CRIM1: variants seen among roughly 807,000 people sequenced by gnomAD.
CRIM1 encodes cysteine rich transmembrane BMP regulator 1.
Under a neutral mutation model 116.4 loss-of-function variants are expected in CRIM1, and 32 were observed. The observed-to-expected ratio is 0.27, with a 90% CI of 0.21 to 0.37. The LOEUF (loss-of-function observed/expected upper bound fraction) is 0.37. CRIM1 is among the 10% of genes least tolerant of loss of function. The pLI, the probability that CRIM1 is intolerant of heterozygous loss-of-function variation, is 1.00. For synonymous variants in CRIM1, 590 were observed against 509.2 expected (o/e 1.16, Z -2.13); for missense variants, 1,331 against 1,354.8 (o/e 0.98, Z 0.28).
chr2:36,548,504 A>T (rs1474802815), intron 16 of CRIM1, 21 bp from the exon 17 acceptor site: 1 of 1,529,314 alleles, frequency 6.5e-7, no homozygotes, highest in South Asian at 1.3e-5. Flanking sequence ...TTGTGGTTTT[A>T]TTCCTCCTCT....
At chr2:36,445,393 G>T (rs1676160053) in intron 4 of CRIM1, among the ~76,000 whole-genome samples, 1 of 152,138 alleles carries the variant, frequency 6.6e-6, no homozygotes, top group Non-Finnish European at 1.5e-5. Context: ...TGCTCATCCA[G>T]CAGGACTCTA....
Position 36,394,352 on chromosome 2 carries a change from A to C in CRIM1, c.332-2262A>C, listed in dbSNP as rs555172198. On this transcript the variant is annotated intron_variant, in intron 1 of 16. Coordinates refer to ENST00000280527, the MANE Select transcript of CRIM1 (RefSeq NM_016441.3). ...AATTCCTTCATGGCAAATCTGACTG[A>C]ACTGTAGTAAAATGCTAGTACTACT... Among the ~76,000 whole-genome samples the C allele has an allele frequency of 3.3e-5, 5 of 152,326 alleles. No homozygotes were observed. The East Asian group carries it at 9.6e-4, about 29-fold the overall frequency.
At chr2:36,479,027 C>T (rs936650451) in intron 6 of CRIM1, among the ~76,000 whole-genome samples, 2 of 152,132 alleles carry the variant, frequency 1.3e-5, no homozygotes, top group South Asian at 2.1e-4. Flanking sequence ...CCCACATGGT[C>T]GTGCAGGTAC....
At chr2:36,464,307 A>G (rs1677821369) in intron 4 of CRIM1, among the ~76,000 whole-genome samples, 1 of 152,230 alleles carries the variant, frequency 6.6e-6, no homozygotes, top group Non-Finnish European at 1.5e-5. Context: ...CAAAATGGTT[A>G]AAGTTAAAAA....
At chr2:36,360,080 A>G (rs969663552) in intron 1 of CRIM1, among the ~76,000 whole-genome samples, 28 of 152,262 alleles carry the variant, frequency 1.8e-4, no homozygotes, top group African/African-American at 6.3e-4. Flanking sequence ...GAGATTTTCT[A>G]GAAAGAAGAT....
chr2:36,477,660 G>A (rs1159468923), intron 6 of CRIM1, among the ~76,000 whole-genome samples: 1 of 152,220 alleles, frequency 6.6e-6, no homozygotes, highest in African/African-American at 2.4e-5. Context: ...GTGACTCTCA[G>A]GAATCTGCTT....
chr2:36,503,064 C>T (rs1386947029), intron 8 of CRIM1, among the ~76,000 whole-genome samples: 1 of 152,214 alleles, frequency 6.6e-6, no homozygotes, highest in Non-Finnish European at 1.5e-5. Flanking sequence ...GCTGTCACCT[C>T]CCCCATTCGT....
intron 4 of CRIM1, among the ~76,000 whole-genome samples, chr2:36,456,661 C>T (rs1377663696): frequency 2.6e-5 from 4 of 152,142 alleles, no homozygotes; most frequent in South Asian, 2.1e-4. Flanking sequence ...TGTGTGATAT[C>T]GGATTGTTGA....
intron 13 of CRIM1, among the ~76,000 whole-genome samples, chr2:36,526,701 C>T (rs574341426): frequency 6.6e-6 from 1 of 152,302 alleles, no homozygotes; most frequent in South Asian, 2.1e-4. Context: ...CTGGCAGCTT[C>T]TGGAGGGGGG....
chr2:36,509,965 GTC>G lies in CRIM1; in HGVS notation c.1502-14_1502-13del. On this transcript the variant is annotated splice_polypyrimidine_tract_variant and intron_variant, in intron 8 of 16. Transcript: ENST00000280527. ...TGTTCATCTTTGGAAGAAACATGCC[GTC>G]TCTGTGTCTTCACAGCCGAGGAACT... 6.2e-7 allele frequency: 1 copy of G among 1,610,898 alleles called. No homozygotes were observed. The highest frequency in any genetic ancestry group is 8.5e-7 in the Non-Finnish European group (1 of 1,178,054).
intron 14 of CRIM1, among the ~76,000 whole-genome samples, chr2:36,544,117 T>C (rs1480719879): frequency 6.6e-6 from 1 of 152,226 alleles, no homozygotes. Flanking sequence ...CCAACACCAT[T>C]TGACGTGAAA....
At chr2:36,533,901 G>A (rs868768978) in intron 13 of CRIM1, among the ~76,000 whole-genome samples, 3 of 151,476 alleles carry the variant, frequency 2.0e-5, no homozygotes, top group African/African-American at 7.3e-5. Context: ...TTATTCTCGT[G>A]TGTGGAGAGA....
chr2:36,411,241 G>C (rs771766392), intron 2 of CRIM1, among the ~76,000 whole-genome samples: 9 of 151,962 alleles, frequency 5.9e-5, no homozygotes, highest in Non-Finnish European at 7.4e-5. Flanking sequence ...ATTATTATGT[G>C]GTGTTAACAC....
chr2:36,391,210 A>G (rs1032937192), intron 1 of CRIM1, among the ~76,000 whole-genome samples: 15 of 137,966 alleles, frequency 1.1e-4, no homozygotes, highest in African/African-American at 3.1e-4. Flanking sequence ...GCTCACTGCA[A>G]GCTCCGCCTC....
At chr2:36,411,109 A>G (rs940862087) in intron 2 of CRIM1, among the ~76,000 whole-genome samples, 8 of 152,220 alleles carry the variant, frequency 5.3e-5, no homozygotes, top group Non-Finnish European at 8.8e-5. Context: ...AGAAAATACT[A>G]TTCCACTTAC....
chr2:36,436,025 G>C (rs1675285157), intron 2 of CRIM1, among the ~76,000 whole-genome samples: 1 of 151,776 alleles, frequency 6.6e-6, no homozygotes, highest in African/African-American at 2.4e-5. Context: ...CATAGGGAAA[G>C]AGTTAGGAGA....
intron 11 of CRIM1, among the ~76,000 whole-genome samples, chr2:36,516,642 C>G (rs1665048177): frequency 6.6e-6 from 1 of 152,198 alleles, no homozygotes; most frequent in Non-Finnish European, 1.5e-5. Flanking sequence ...ACTGTTGATT[C>G]TACAGGAGCA....
intron 1 of CRIM1, among the ~76,000 whole-genome samples, chr2:36,372,339 A>G (rs1572577204): frequency 6.6e-6 from 1 of 152,156 alleles, no homozygotes; most frequent in Non-Finnish European, 1.5e-5. Flanking sequence ...CTGGAGCCCC[A>G]ACTTGTTATT....
chr2:36,420,879 G>A (rs1388421539), intron 2 of CRIM1, among the ~76,000 whole-genome samples: 1 of 152,122 alleles, frequency 6.6e-6, no homozygotes, highest in Non-Finnish European at 1.5e-5. Context: ...CACAGAATTT[G>A]GACTTCATTT....
Sources: gnomAD v4.1 joint callset for allele counts (sites outside exome capture counted in the v4.1 genomes callset) on GRCh38, gnomAD v4.1.1 for gene constraint, MANE v1.5 for transcripts, NCBI Gene and HGNC (gene_info 2026-07-23, HGNC 2026-07-21) for gene names.